The following HMG20A variants were observed in gnomAD, a reference collection of about 807,000 sequenced individuals.
HMG20A encodes the protein high mobility group protein 20A.
HMG20A carries 17 observed loss-of-function variants against 43.9 expected under a neutral mutation model. The observed-to-expected ratio is 0.39, with a 90% CI of 0.27 to 0.58. The LOEUF (loss-of-function observed/expected upper bound fraction) is 0.58. Among genes scored for constraint, HMG20A ranks in the 20% least tolerant of loss-of-function variants. The probability of loss-of-function intolerance (pLI) is 0.59; values close to 1 mark genes in which losing one functional copy is unlikely to be tolerated. For missense variants in HMG20A, 341 were observed against 438.2 expected (o/e 0.78, Z 1.98); for synonymous variants, 132 against 147.5 (o/e 0.89, Z 0.76).
At chr15:77,451,008 T>C (rs1382866144) in intron 1 of HMG20A, among the ~76,000 whole-genome samples, 1 of 152,254 alleles carries the variant, frequency 6.6e-6, no homozygotes, top group African/African-American at 2.4e-5. Flanking sequence ...AGATTAGGGA[T>C]GCTCAATTTA....
intron 1 of HMG20A, among the ~76,000 whole-genome samples, chr15:77,435,284 T>C (rs1168663689): frequency 6.6e-6 from 1 of 152,056 alleles, no homozygotes; most frequent in Non-Finnish European, 1.5e-5. Flanking sequence ...ATAATTTTTG[T>C]TTTATAGTCT....
intron 1 of HMG20A, among the ~76,000 whole-genome samples, chr15:77,442,688 G>A (rs1023075497): frequency 6.6e-6 from 1 of 152,082 alleles, no homozygotes; most frequent in African/African-American, 2.4e-5. Context: ...TCAGCAATAA[G>A]CTAGAAACTC....
the HMG20A span, among the ~76,000 whole-genome samples, chr15:77,513,074 T>C: frequency 2.6e-5 from 4 of 152,194 alleles, no homozygotes; most frequent in African/African-American, 9.7e-5. Flanking sequence ...AGGAACTGTC[T>C]AGGACTGAAG....
At chr15:77,493,963 G>A in the HMG20A span, among the ~76,000 whole-genome samples, 23 of 152,132 alleles carry the variant, frequency 1.5e-4, no homozygotes, top group Non-Finnish European at 3.2e-4. Context: ...CTTAAAAGGC[G>A]GGCCTGGACT....
the HMG20A span, among the ~76,000 whole-genome samples, chr15:77,510,029 T>A: frequency 6.6e-6 from 1 of 152,132 alleles, no homozygotes; most frequent in Non-Finnish European, 1.5e-5. Context: ...TTTCCCATCA[T>A]CCTTACCTTT....
At chr15:77,434,171 G>C (rs2073520297) in intron 1 of HMG20A, among the ~76,000 whole-genome samples, 1 of 152,074 alleles carries the variant, frequency 6.6e-6, no homozygotes, top group Non-Finnish European at 1.5e-5. Context: ...GTGTGGAAGG[G>C]GCAGGGAATG....
At chr15:77,430,817 G>C (rs8032961) in intron 1 of HMG20A, among the ~76,000 whole-genome samples, 1,525 of 152,288 alleles carry the variant, frequency 0.01, 32 homozygotes, top group African/African-American at 0.035. Context: ...TGGATAACTT[G>C]TGACAGCAAC....
rs2072923971 is a variant in HMG20A, at chr15:77,483,702, G to A, written c.*739G>A. The A allele has an allele frequency of 6.5e-6, 1 of 152,760 alleles. No individual in the cohort carries two copies. Among genetic ancestry groups the A allele is most frequent in the African/African-American group, 2.4e-5 (1 of 41,462 alleles). The allele number at this position is 152,760 out of a possible 1,614,324, so 9.5% of individuals were successfully genotyped here. ...TCCTTCCTCACTGGTACTGCCTGCT[G>A]TTTTCTAAGCATTGCTCCTGCACAG... On this transcript the variant is annotated 3_prime_UTR_variant, in exon 10 of 10. Coordinates refer to ENST00000336216, the MANE Select transcript of HMG20A (RefSeq NM_001304504.2).
intron 1 of HMG20A, among the ~76,000 whole-genome samples, chr15:77,441,336 CTG>C (rs2073610772): frequency 6.6e-6 from 1 of 152,012 alleles, no homozygotes; most frequent in African/African-American, 2.4e-5. Flanking sequence ...TTAGAGAACT[CTG>C]TGTTTGTTTG....
At chr15:77,469,960 G>A (rs765684186) in intron 4 of HMG20A, among the ~76,000 whole-genome samples, 6 of 152,034 alleles carry the variant, frequency 3.9e-5, no homozygotes, top group South Asian at 2.1e-4. Flanking sequence ...GAGCCACCAC[G>A]CTCAGCCTCT....
rs1180757723 is a variant in HMG20A at position 77,467,142 on chromosome 15, A to G, written c.285A>G (p.Lys95=). The G allele has an allele frequency of 1.2e-6, 2 of 1,613,736 alleles. No individual in the cohort carries two copies. Among genetic ancestry groups the G allele is most frequent in the Non-Finnish European group, 1.7e-6 (2 of 1,179,872 alleles). Residue 95 remains lysine (K), a synonymous_variant, in exon 4 of 10, where the codon AAA becomes AAG. Transcript: ENST00000336216. ...GGWSKGRKRK[K]PLRDSNAPKS... is the part of the protein sequence containing the mutation. ...GGTCCAAAGGAAGAAAGAGGAAGAA[A>G]CCTCTTCGAGACAGCAATGCACCCA...
At chr15:77,424,053 T>G (rs1400458206) in intron 1 of HMG20A, among the ~76,000 whole-genome samples, 1 of 152,234 alleles carries the variant, frequency 6.6e-6, no homozygotes, top group Admixed American at 6.5e-5. Flanking sequence ...TGTAGTTTAC[T>G]CTCTAATTTA....
chr15:77,467,126 G>A lies in HMG20A; in HGVS notation c.269G>A (p.Gly90Glu), dbSNP rs1238846702. ...AGTAAACGAGGAGGTTGGTCCAAAG[G>A]AAGAAAGAGGAAGAAACCTCTTCGA... Reference protein sequence around the residue: ...QRSKRGGWSKGRKRKKPLRDS... With the variant: ...QRSKRGGWSKERKRKKPLRDS... Residue 90 changes from glycine (G) to glutamate (E), a missense_variant, in exon 4 of 10, where the codon GGA (glycine) becomes GAA (glutamate). Coordinates refer to ENST00000336216, the MANE Select transcript of HMG20A (RefSeq NM_001304504.2). 2 of 1,613,954 alleles carry A rather than the reference G, an allele frequency of 1.2e-6. No individual in the cohort carries two copies. Among genetic ancestry groups the A allele is most frequent in the Admixed American group, 1.7e-5 (1 of 60,016 alleles).
At chr15:77,518,658 G>T in the HMG20A span, among the ~76,000 whole-genome samples, 1 of 152,192 alleles carries the variant, frequency 6.6e-6, no homozygotes. Context: ...ACACTCAGGC[G>T]GAGCCTTGCC....
chr15:77,444,527 G>GA (rs905658199), intron 1 of HMG20A, among the ~76,000 whole-genome samples: 1 of 151,860 alleles, frequency 6.6e-6, no homozygotes, highest in Admixed American at 6.6e-5. Flanking sequence ...ATTTCACCTT[G>GA]AAAAAAAGAA....
chr15:77,488,604 A>G (rs555439106), downstream of HMG20A, among the ~76,000 whole-genome samples: 4 of 152,210 alleles, frequency 2.6e-5, no homozygotes, highest in Non-Finnish European at 4.4e-5. Context: ...AATGTAAATG[A>G]AATATGAAAA....
intron 1 of HMG20A, among the ~76,000 whole-genome samples, chr15:77,453,364 C>A (rs1406710965): frequency 6.6e-6 from 1 of 151,984 alleles, no homozygotes; most frequent in Non-Finnish European, 1.5e-5. Flanking sequence ...AAAATATGAA[C>A]CAAAATCACA....
At chr15:77,457,254 C>A (rs1221237567) in intron 1 of HMG20A, among the ~76,000 whole-genome samples, 1 of 152,194 alleles carries the variant, frequency 6.6e-6, no homozygotes, top group East Asian at 1.9e-4. Flanking sequence ...GTGGAGTGAT[C>A]CTGGCTCTGC....
chr15:77,466,726 C>A (rs968522825), intron 3 of HMG20A, among the ~76,000 whole-genome samples: 4 of 152,198 alleles, frequency 2.6e-5, no homozygotes, highest in Non-Finnish European at 5.9e-5. Context: ...TGGATACTCT[C>A]CTGTCAGGAA....
Sources: gnomAD v4.1 joint callset for allele counts (sites outside exome capture counted in the v4.1 genomes callset) on GRCh38, gnomAD v4.1.1 for gene constraint, MANE v1.5 for transcripts, NCBI Gene and HGNC (gene_info 2026-07-23, HGNC 2026-07-21) for gene names.